EVI5: variants seen among roughly 807,000 people sequenced by gnomAD.
EVI5 encodes the protein ecotropic viral integration site 5, also known as ecotropic viral integration site 5 protein homolog.
In EVI5, 73 loss-of-function variants were observed where a neutral mutation model predicts 112.0. The observed-to-expected ratio is 0.65, with a 90% confidence interval of 0.54 to 0.79. The LOEUF is 0.79. EVI5 is among the 30% of genes least tolerant of loss of function. EVI5 has a pLI of 0.00. For missense variants in EVI5, 900 were observed against 968.8 expected, an observed-to-expected ratio of 0.93 and a Z score of 0.94; for synonymous variants, 305 against 319.9, an observed-to-expected ratio of 0.95 and a Z score of 0.50.
chr1:92,775,095 C>T (rs948497350), intron 1 of EVI5, among the ~76,000 whole-genome samples: 4 of 152,052 alleles, frequency 2.6e-5, no homozygotes, highest in Middle Eastern at 3.2e-3. Context: ...AGTCATGCAC[C>T]GCATAAGAAC....
chr1:92,632,013 C>A (rs1178759789), intron 14 of EVI5, among the ~76,000 whole-genome samples: 1 of 149,678 alleles, frequency 6.7e-6, no homozygotes, highest in East Asian at 2.0e-4. Context: ...ACCAGCCTTG[C>A]ATCCCAGGGA....
intron 9 of EVI5, among the ~76,000 whole-genome samples, chr1:92,679,778 A>G (rs1001807726): frequency 6.6e-6 from 1 of 152,190 alleles, no homozygotes; most frequent in Non-Finnish European, 1.5e-5. Flanking sequence ...TTCAAAAGGG[A>G]CCATTCCGTC....
At chr1:92,551,147 T>A (rs1476440793) in intron 19 of EVI5, among the ~76,000 whole-genome samples, 1 of 143,544 alleles carries the variant, frequency 7.0e-6, no homozygotes, top group Non-Finnish European at 1.5e-5. Context: ...GGTCAAGCGA[T>A]CCTCTCACTT....
intron 18 of EVI5, among the ~76,000 whole-genome samples, chr1:92,604,309 T>G (rs1439054160): frequency 6.6e-6 from 1 of 151,762 alleles, no homozygotes; most frequent in Admixed American, 6.6e-5. Flanking sequence ...GAGCTATGAC[T>G]GTGCCACTAA....
intron 2 of EVI5, among the ~76,000 whole-genome samples, chr1:92,734,845 T>TAA (rs1379163001): frequency 3.3e-5 from 5 of 151,942 alleles, no homozygotes; most frequent in East Asian, 1.9e-4. Flanking sequence ...AATTTTTTTT[T>TAA]AAAAATCAAA....
Position 92,736,686 on chromosome 1 carries a change from C to A in EVI5, c.-81-59G>T, listed in dbSNP as rs567202170. The A allele has an allele frequency of 3.8e-5, 40 of 1,061,094 alleles. No individual in the cohort carries two copies. The African/African-American group carries it at 5.0e-4, about 13-fold the overall frequency. The allele number at this position is 1,061,094 out of a possible 1,614,324, so 65.7% of individuals were successfully genotyped here. ...GTTACACTGTATTCATTACCGAGAA[C>A]TTAATAATTCTGTTAGGATTTACTT... On this transcript the variant is annotated intron_variant, in intron 1 of 19. Coordinates refer to ENST00000684568, the MANE Select transcript of EVI5 (RefSeq NM_001350197.2).
At chr1:92,556,306 C>A (rs1667674150) in intron 19 of EVI5, among the ~76,000 whole-genome samples, 1 of 152,108 alleles carries the variant, frequency 6.6e-6, no homozygotes, top group Non-Finnish European at 1.5e-5. Flanking sequence ...TTGTGATTCA[C>A]CCGCCTCGGC....
At chr1:92,709,853 A>T (rs1372844278) in intron 2 of EVI5, among the ~76,000 whole-genome samples, 3 of 152,016 alleles carry the variant, frequency 2.0e-5, no homozygotes, top group African/African-American at 4.8e-5. Context: ...AGGCTTTTAA[A>T]CAGGTTTCCA....
intron 16 of EVI5, among the ~76,000 whole-genome samples, chr1:92,616,338 T>C (rs991693361): frequency 6.6e-6 from 1 of 152,166 alleles, no homozygotes; most frequent in African/African-American, 2.4e-5. Context: ...CCGCAGTTAC[T>C]CAACTACAAA....
At chr1:92,608,442 A>G (rs999971775) in intron 16 of EVI5, among the ~76,000 whole-genome samples, 4 of 152,170 alleles carry the variant, frequency 2.6e-5, no homozygotes, top group Non-Finnish European at 4.4e-5. Context: ...GCAGTGGCTC[A>G]TGTCTAATCC....
In EVI5 at chr1:92,625,852, G is replaced by T; in HGVS notation, c.1610C>A (p.Ala537Asp). 6.2e-7 allele frequency: 1 copy of T among 1,612,160 alleles called. No individual in the cohort carries two copies. The highest frequency in any genetic ancestry group is 8.5e-7 in the Non-Finnish European group (1 of 1,178,478). ...LIAVKLREAE[A>D]IMGLKELRQQ... ...TCTAAGTTCTTTCAAACCCATAATG[G>T]CTTCTGCTTCTCTAAGTTTCACAGC... The change falls in exon 15 of 20, where the codon GCC (alanine) becomes GAC (aspartate). Residue 537 changes from alanine to aspartate, a missense_variant. By Grantham distance (126) the Ala-to-Asp change is moderately radical. Coordinates refer to ENST00000684568, the MANE Select transcript of EVI5 (RefSeq NM_001350197.2).
intron 18 of EVI5, among the ~76,000 whole-genome samples, chr1:92,565,382 C>T (rs973966879): frequency 7.9e-5 from 12 of 152,200 alleles, no homozygotes; most frequent in African/African-American, 2.7e-4. Context: ...GAAAGATACA[C>T]ATTCTAACTT....
chr1:92,584,270 TTTTTTCCAGGCTTTA>T (rs1672432243), intron 18 of EVI5, among the ~76,000 whole-genome samples: 1 of 152,198 alleles, frequency 6.6e-6, no homozygotes, highest in Non-Finnish European at 1.5e-5. Context: ...TAATGCTTTT[TTTTTTCCAGGCTTTA>T]TTATGAAACT....
chr1:92,685,997 G>A (rs530388799), intron 9 of EVI5, among the ~76,000 whole-genome samples: 9 of 152,178 alleles, frequency 5.9e-5, no homozygotes, highest in African/African-American at 1.7e-4. Context: ...CATTCCTTCC[G>A]AAACCATTTC....
At chr1:92,622,324 G>T in intron 16 of EVI5, 1 of 449,072 alleles carries the variant, frequency 2.2e-6, no homozygotes, top group Non-Finnish European at 4.5e-6. Flanking sequence ...TTTAAGAAGG[G>T]GTCCACAGGT....
intron 13 of EVI5, among the ~76,000 whole-genome samples, chr1:92,640,285 G>A (rs963877825): frequency 1.3e-5 from 2 of 152,136 alleles, no homozygotes; most frequent in African/African-American, 2.4e-5. Context: ...AAGAGCTTCT[G>A]CACAGCAAAA....
At chr1:92,739,481 T>C (rs1678011075) in intron 1 of EVI5, among the ~76,000 whole-genome samples, 1 of 152,056 alleles carries the variant, frequency 6.6e-6, no homozygotes, top group Non-Finnish European at 1.5e-5. Context: ...AGGATTTCTT[T>C]ATGGGGTGAT....
At chr1:92,745,748 G>A (rs1350146537) in intron 1 of EVI5, among the ~76,000 whole-genome samples, 1 of 152,174 alleles carries the variant, frequency 6.6e-6, no homozygotes, top group Non-Finnish European at 1.5e-5. Flanking sequence ...TAAAGCTGCA[G>A]TGAGCCATGA....
chr1:92,636,466 A>G, intron 13 of EVI5, 130 bp from the exon 14 acceptor site: 1 of 666,850 alleles, frequency 1.5e-6, no homozygotes, highest in Non-Finnish European at 2.4e-6. Flanking sequence ...CCATCTACCC[A>G]ATATTTCCAA....
Sources: allele counts gnomAD v4.1 joint callset (sites outside exome capture counted in the v4.1 genomes callset), GRCh38; gene constraint gnomAD v4.1.1; transcripts MANE v1.5; gene names NCBI Gene and HGNC (gene_info 2026-07-23, HGNC 2026-07-21).